WNT9A: variants seen among roughly 807,000 people sequenced by gnomAD.
The protein encoded by WNT9A is protein Wnt-9a.
WNT9A carries 8 observed loss-of-function variants against 31.4 expected under a neutral mutation model. That is an observed-to-expected ratio of 0.26 (90% CI 0.15 to 0.46). The LOEUF (loss-of-function observed/expected upper bound fraction) is 0.46, where lower values mean the gene tolerates loss of function less well. WNT9A is among the 20% of genes least tolerant of loss of function. The pLI is 0.99. For synonymous variants in WNT9A, 236 were observed against 220.1 expected (o/e 1.07, Z -0.64); for missense variants, 457 against 522.9 (o/e 0.87, Z 1.23).
chr1:227,925,137 A>G lies in WNT9A; in HGVS notation c.352+126T>C. 2 of 1,362,470 alleles carry G rather than the reference A, an allele frequency of 1.5e-6. No individual in the cohort carries two copies. The highest frequency in any genetic ancestry group is 1.6e-5 in the South Asian group (1 of 63,222). The allele number at this position is 1,362,470 out of a possible 1,614,324, so 84.4% of individuals were successfully genotyped here. ...GCCCTTTCCAGGGCCTAGGCCCAGG[A>G]GCTCTGGGCAGGCTGGGCCCGGCGT... On this transcript the variant is annotated intron_variant, in intron 2 of 3. Transcript: ENST00000272164. This position sits in a 1 kb window ranked among gnomAD's most constrained non-coding sequence, Gnocchi z 6.0.
chr1:227,947,678 G>T (rs1572139231), intron 1 of WNT9A, 115 bp downstream of exon 1: 1 of 500,876 alleles, frequency 2.0e-6, no homozygotes, highest in Non-Finnish European at 2.6e-6. Flanking sequence ...GCAACCCGGC[G>T]GCCCCGCCGC....
In WNT9A at chr1:227,928,498, C is replaced by T. The variant is rs1303013200; in HGVS notation, c.96-2979G>A. Among the ~76,000 whole-genome samples, 1 of 152,200 alleles carries T rather than the reference C, an allele frequency of 6.6e-6. No individual in the cohort carries two copies. The highest frequency in any genetic ancestry group is 1.9e-4 in the East Asian group (1 of 5,196). On this transcript the variant is annotated intron_variant, in intron 1 of 3. Coordinates refer to ENST00000272164, the MANE Select transcript of WNT9A (RefSeq NM_003395.4). This position sits in a 1 kb window ranked among gnomAD's most constrained non-coding sequence, Gnocchi z 4.5. ...TGGCCATGGCCTTCTTAAGCTCCTG[C>T]CCCCTCACCTCTCCCACCCTGGGTA...
At position 227,918,904 on chromosome 1, in the gene WNT9A, C is replaced by A. The variant is rs1358616308; in HGVS notation, c.*2614G>T. 6.6e-6 allele frequency: 1 copy of A among 151,258 alleles called. No individual in the cohort carries two copies. Among genetic ancestry groups the A allele is most frequent in the Non-Finnish European group, 1.5e-5 (1 of 67,818 alleles). The allele number at this position is 151,258 out of a possible 1,614,324, so 9.4% of individuals were successfully genotyped here. A position where few individuals can be genotyped will look rare whatever the true frequency, so the allele number is the denominator to read the frequency against. ...TGGTGCAGAGAAGGTGGCTGGGATC[C>A]CCTGGCCAAGGAGCGGGCTGAACCC... is the stretch of plus-strand genomic sequence containing the variant. On this transcript the variant is annotated 3_prime_UTR_variant, in exon 4 of 4. Coordinates refer to ENST00000272164, the MANE Select transcript of WNT9A (RefSeq NM_003395.4).
At chr1:227,927,326 G>A (rs1666435606) in intron 1 of WNT9A, among the ~76,000 whole-genome samples, 1 of 152,188 alleles carries the variant, frequency 6.6e-6, no homozygotes. Flanking sequence ...AAATCCCCAA[G>A]GTCCCAGAGG....
At chr1:227,935,148 C>T (rs949056831) in intron 1 of WNT9A, among the ~76,000 whole-genome samples, 2 of 151,848 alleles carry the variant, frequency 1.3e-5, no homozygotes, top group African/African-American at 4.8e-5. Context: ...GCCTGAGTCA[C>T]ATCCCCTGTT....
At chr1:227,923,092 G>A (rs912847002) in intron 3 of WNT9A, among the ~76,000 whole-genome samples, 3 of 152,232 alleles carry the variant, frequency 2.0e-5, no homozygotes, top group African/African-American at 7.2e-5. Context: ...CTTAGGGCTT[G>A]AATCTGCCTT....
chr1:227,931,910 A>C (rs1300263587), intron 1 of WNT9A, among the ~76,000 whole-genome samples: 1 of 148,562 alleles, frequency 6.7e-6, no homozygotes, highest in East Asian at 2.0e-4. Flanking sequence ...TTTAGTAGAG[A>C]CAGGGTTTCA....
intron 1 of WNT9A, among the ~76,000 whole-genome samples, chr1:227,943,198 G>A (rs1666736229): frequency 6.6e-6 from 1 of 152,198 alleles, no homozygotes; most frequent in African/African-American, 2.4e-5. Flanking sequence ...AGTCCCCTGA[G>A]CACCCAGAAC....
At chr1:227,946,279 AC>A (rs1287953201) in intron 1 of WNT9A, among the ~76,000 whole-genome samples, 1 of 152,176 alleles carries the variant, frequency 6.6e-6, no homozygotes, top group African/African-American at 2.4e-5. Context: ...AGAGGCCAAG[AC>A]CCAGCGCCAC....
chr1:227,924,085 C>CCCCCCCCCCCCTTTTT, intron 3 of WNT9A, 53 bp downstream of exon 3: 1 of 1,063,498 alleles, frequency 9.4e-7, no homozygotes, highest in Non-Finnish European at 1.3e-6. Flanking sequence ...CCCCAACCCC[C>CCCCCCCCCCCCTTTTT]TGACGCTCTT....
In WNT9A at chr1:227,921,530, G is replaced by A; in HGVS notation, c.1086C>T (p.Thr362=). ...RQCTQREEVY[T]CKG is the part of the protein sequence containing the mutation. ...AGGGCCTGGGAACTCAGCCCTTGCA[G>A]GTGTAGACCTCCTCACGCTGCGTGC... is the stretch of plus-strand genomic sequence containing the variant. Residue 362 remains threonine (T), a synonymous_variant, in exon 4 of 4, where the codon ACC becomes ACT. Coordinates refer to ENST00000272164, the MANE Select transcript of WNT9A (RefSeq NM_003395.4). 2 of 1,609,298 alleles carry A rather than the reference G, an allele frequency of 1.2e-6. No homozygotes were observed. Among genetic ancestry groups the A allele is most frequent in the Non-Finnish European group, 1.7e-6 (2 of 1,177,010 alleles).
At chr1:227,936,947 G>A (rs548307640) in intron 1 of WNT9A, among the ~76,000 whole-genome samples, 19 of 151,990 alleles carry the variant, frequency 1.3e-4, no homozygotes, top group Admixed American at 9.2e-4. Context: ...TCCCACTCCC[G>A]CACCCTTCTC....
At chr1:227,936,776 G>A (rs1452964113) in intron 1 of WNT9A, among the ~76,000 whole-genome samples, 1 of 152,192 alleles carries the variant, frequency 6.6e-6, no homozygotes, top group African/African-American at 2.4e-5. Context: ...CAGGCACGAG[G>A]CACTGTGCCC....
At chr1:227,933,451 T>A (rs1384816325) in intron 1 of WNT9A, among the ~76,000 whole-genome samples, 1 of 152,246 alleles carries the variant, frequency 6.6e-6, no homozygotes, top group African/African-American at 2.4e-5. Context: ...TTTCACTTTA[T>A]CATTTGTATG....
chr1:227,947,815 G>A lies in WNT9A; in HGVS notation c.73C>T (p.Arg25Cys). Residue 25 changes from arginine (R) to cysteine (C), a missense_variant, in exon 1 of 4, where the codon CGC becomes TGC. By Grantham distance (180) the Arg-to-Cys change is radical. Transcript: ENST00000272164. ...TACCCGAAGTAGGCGGCCGAAGGGC[G>A]CAGCGCGGCGAGCAGCAGCGTCAGC... ...FGLTLLLAAL[R>C]PSAAYFGLTG... 3 of 1,098,210 alleles carry A rather than the reference G, an allele frequency of 2.7e-6. No individual in the cohort carries two copies. The highest frequency in any genetic ancestry group is 5.5e-5 in the East Asian group (1 of 18,238). The allele number at this position is 1,098,210 out of a possible 1,614,324, so 68.0% of individuals were successfully genotyped here.
chr1:227,922,488 A>ACC (rs1320628942), intron 3 of WNT9A, among the ~76,000 whole-genome samples: 1 of 152,230 alleles, frequency 6.6e-6, no homozygotes, highest in African/African-American at 2.4e-5. Flanking sequence ...ACCAGGTGCT[A>ACC]CCGCACATGC....
intron 1 of WNT9A, among the ~76,000 whole-genome samples, chr1:227,934,740 C>G (rs1289680697): frequency 1.3e-5 from 2 of 152,178 alleles, no homozygotes; most frequent in African/African-American, 2.4e-5. Context: ...AAACTGGAAC[C>G]TCAGTCACAA....
chr1:227,937,817 TGACAGCAGCCCCAG>T (rs1666621816), intron 1 of WNT9A, among the ~76,000 whole-genome samples: 1 of 152,216 alleles, frequency 6.6e-6, no homozygotes, highest in Non-Finnish European at 1.5e-5. Flanking sequence ...CTGTGGTGCC[TGACAGCAGCCCCAG>T]GACAGCAGCA....
At chr1:227,943,735 C>A (rs1256482970) in intron 1 of WNT9A, among the ~76,000 whole-genome samples, 2 of 152,142 alleles carry the variant, frequency 1.3e-5, no homozygotes, top group East Asian at 1.9e-4. Flanking sequence ...CAGCACTTTG[C>A]GAGGCTGACG....
Sources: allele counts gnomAD v4.1 joint callset (sites outside exome capture counted in the v4.1 genomes callset), GRCh38; gene constraint gnomAD v4.1.1; non-coding constraint Gnocchi (gnomAD v3.1); transcripts MANE v1.5; gene names NCBI Gene and HGNC (gene_info 2026-07-23, HGNC 2026-07-21).